BBX: variants seen among roughly 807,000 people sequenced by gnomAD.
BBX encodes the protein HMG box transcription factor BBX.
BBX carries 30 observed loss-of-function variants against 100.2 expected under a neutral mutation model. The observed-to-expected ratio is 0.30, with a 90% CI of 0.22 to 0.41. The LOEUF (loss-of-function observed/expected upper bound fraction) is 0.41, where lower values mean the gene tolerates loss of function less well. Among genes scored for constraint, BBX ranks in the 10% least tolerant of loss-of-function variants. The probability of loss-of-function intolerance (pLI) is 1.00; values close to 1 mark genes in which losing one functional copy is unlikely to be tolerated. For missense variants in BBX, 1,023 were observed against 1,129.8 expected, an observed-to-expected ratio of 0.91 and a Z score of 1.35; for synonymous variants, 376 against 388.1, an observed-to-expected ratio of 0.97 and a Z score of 0.37.
At chr3:107,609,994 G>A (rs1038491142) in intron 2 of BBX, among the ~76,000 whole-genome samples, 1 of 151,772 alleles carries the variant, frequency 6.6e-6, no homozygotes, top group South Asian at 2.1e-4. Context: ...TTGATTGTAG[G>A]CACTTATAGC....
chr3:107,678,263 T>C (rs16853765), intron 3 of BBX, among the ~76,000 whole-genome samples: 2,458 of 152,064 alleles, frequency 0.016, 71 homozygotes, highest in African/African-American at 0.056. Flanking sequence ...TACCCACAGA[T>C]TTTTGACATG....
chr3:107,526,860 T>C (rs185199847), intron 2 of BBX: 2 of 152,500 alleles, frequency 1.3e-5, no homozygotes, highest in South Asian at 2.1e-4. Context: ...CCTGTGGTGT[T>C]TGTAACAGTT....
chr3:107,592,385 G>T (rs985248186), intron 2 of BBX, among the ~76,000 whole-genome samples: 5 of 114,532 alleles, frequency 4.4e-5, no homozygotes, highest in Admixed American at 8.6e-5. Flanking sequence ...AAAAAAAAAG[G>T]TGTATTAAGA....
At chr3:107,679,508 A>G (rs959481680) in intron 3 of BBX, among the ~76,000 whole-genome samples, 1 of 152,230 alleles carries the variant, frequency 6.6e-6, no homozygotes, top group Non-Finnish European at 1.5e-5. Context: ...CACCTAATAT[A>G]TGCCAGGCAC....
chr3:107,718,944 T>C (rs2062316948), intron 5 of BBX, among the ~76,000 whole-genome samples: 1 of 152,098 alleles, frequency 6.6e-6, no homozygotes, highest in African/African-American at 2.4e-5. Flanking sequence ...AATTGATCTC[T>C]AGTCGTAAGT....
At chr3:107,577,015 C>A (rs2051835860) in intron 2 of BBX, among the ~76,000 whole-genome samples, 1 of 152,122 alleles carries the variant, frequency 6.6e-6, no homozygotes, top group Non-Finnish European at 1.5e-5. Flanking sequence ...CGTGTGCCAC[C>A]ATGCCCAGCT....
intron 8 of BBX, among the ~76,000 whole-genome samples, chr3:107,746,632 T>A (rs529886319): frequency 3.3e-5 from 5 of 152,058 alleles, no homozygotes; most frequent in East Asian, 3.9e-4. Flanking sequence ...TTTTTTTTTT[T>A]AATTTTGAGA....
intron 3 of BBX, among the ~76,000 whole-genome samples, chr3:107,708,886 A>C (rs1208339798): frequency 6.6e-6 from 1 of 152,202 alleles, no homozygotes; most frequent in East Asian, 1.9e-4. Context: ...AGTATGATAT[A>C]TGCAGCTTAA....
intron 13 of BBX, 110 bp from the exon 14 acceptor site, chr3:107,789,677 C>T: frequency 1.4e-6 from 1 of 734,462 alleles, no homozygotes. Flanking sequence ...TATTGAGATT[C>T]AATTTGCTTA....
chr3:107,729,089 A>G (rs2063151517), intron 6 of BBX, 129 bp downstream of exon 6: 7 of 926,000 alleles, frequency 7.6e-6, no homozygotes, highest in South Asian at 1.7e-5. Flanking sequence ...AAGATATAGC[A>G]TATTTTCAAG....
chr3:107,543,950 G>T (rs1321854871), intron 2 of BBX, among the ~76,000 whole-genome samples: 2 of 152,174 alleles, frequency 1.3e-5, no homozygotes, highest in African/African-American at 4.8e-5. Flanking sequence ...GAAATATTGC[G>T]ACCACATACC....
rs1011730921 is a variant in BBX at position 107,809,978 on chromosome 3, G to A, written c.*4521G>A. On this transcript the variant is annotated 3_prime_UTR_variant, in exon 18 of 18. Transcript: ENST00000325805. ...GTTCATCTTACCAGATGTGTCTGGCGAAGTATTCAGGGTTTGATGGACTGC... is the reference window on the plus strand; with the variant it reads ...GTTCATCTTACCAGATGTGTCTGGCAAAGTATTCAGGGTTTGATGGACTGC... 1 of 152,110 alleles carries A rather than the reference G, an allele frequency of 6.6e-6. No individual in the cohort carries two copies. The highest frequency in any genetic ancestry group is 2.4e-5 in the African/African-American group (1 of 41,406). 9.4% of individuals were successfully genotyped at this position (152,110 alleles called of 1,614,324 possible).
intron 9 of BBX, among the ~76,000 whole-genome samples, chr3:107,749,968 C>A (rs148995819): frequency 5.9e-5 from 9 of 152,086 alleles, no homozygotes; most frequent in Admixed American, 2.6e-4. Context: ...TCATCAGATT[C>A]ATTAGGAGCT....
intron 2 of BBX, among the ~76,000 whole-genome samples, chr3:107,583,920 TTATA>T (rs1179977926): frequency 1.2e-4 from 11 of 89,484 alleles, no homozygotes; most frequent in African/African-American, 4.9e-4. Context: ...AAATTATACT[TTATA>T]TATAATATAT....
At chr3:107,670,062 A>G (rs1227212480) in intron 3 of BBX, among the ~76,000 whole-genome samples, 1 of 152,122 alleles carries the variant, frequency 6.6e-6, no homozygotes, top group Non-Finnish European at 1.5e-5. Flanking sequence ...AGTACACCTG[A>G]GTTTGAATCA....
chr3:107,741,866 TTTC>T (rs1168394834), intron 7 of BBX, among the ~76,000 whole-genome samples: 4 of 152,308 alleles, frequency 2.6e-5, no homozygotes, highest in African/African-American at 9.6e-5. Flanking sequence ...ATAGATAGAA[TTTC>T]TTATTTCTTT....
intron 2 of BBX, among the ~76,000 whole-genome samples, chr3:107,635,919 C>T (rs1025012000): frequency 3.9e-5 from 6 of 152,014 alleles, no homozygotes; most frequent in Non-Finnish European, 5.9e-5. Flanking sequence ...ACCATGTTGG[C>T]CAGGATGGTC....
At chr3:107,718,838 G>A (rs1299880535) in intron 5 of BBX, among the ~76,000 whole-genome samples, 1 of 152,066 alleles carries the variant, frequency 6.6e-6, no homozygotes, top group Non-Finnish European at 1.5e-5. Context: ...GATGTTCCAC[G>A]TTATAATTTG....
intron 2 of BBX, among the ~76,000 whole-genome samples, chr3:107,548,355 T>G (rs768553754): frequency 2.6e-5 from 4 of 152,186 alleles, no homozygotes; most frequent in Non-Finnish European, 5.9e-5. Flanking sequence ...CGTATCTGTG[T>G]TTATGTGTGT....
Sources: gnomAD v4.1 joint callset for allele counts (sites outside exome capture counted in the v4.1 genomes callset) on GRCh38, gnomAD v4.1.1 for gene constraint, MANE v1.5 for transcripts, NCBI Gene and HGNC (gene_info 2026-07-23, HGNC 2026-07-21) for gene names.